Variants in SLC25A31 observed in about 807,000 individuals in gnomAD.
SLC25A31 encodes ADP/ATP translocase 4.
SLC25A31 carries 40 observed loss-of-function variants against 36.2 expected under a neutral mutation model. That is an observed-to-expected ratio of 1.10 (90% CI 0.86 to 1.44). The LOEUF is 1.44. SLC25A31 is among the 40% of genes most tolerant of loss of function. SLC25A31 has a pLI of 0.00. For missense variants in SLC25A31, 350 were observed against 397.1 expected (o/e 0.88, Z 1.01); for synonymous variants, 143 against 149.7 (o/e 0.96, Z 0.32).
At chr4:127,749,875 A>T (rs541069860) in intron 2 of SLC25A31, among the ~76,000 whole-genome samples, 1 of 152,282 alleles carries the variant, frequency 6.6e-6, no homozygotes, top group South Asian at 2.1e-4. Flanking sequence ...ATGTCTAAAA[A>T]TAAATTAACA....
intron 3 of SLC25A31, among the ~76,000 whole-genome samples, chr4:127,765,742 G>C (rs909204488): frequency 2.7e-4 from 41 of 152,310 alleles, no homozygotes; most frequent in African/African-American, 9.4e-4. Context: ...AAAAAAGTTA[G>C]AAGAGAGTGA....
rs34838538 is a variant in SLC25A31 at position 127,734,556 on chromosome 4, CAAAAAAA to C, written c.232+3799_232+3805del. ...TCCTGGGTACAGAGGAAGACTGTCTCAAAAAAAAAAAAAAAAAAAAAAAAAAGATCCG... is the reference window on the plus strand; with the variant it reads ...TCCTGGGTACAGAGGAAGACTGTCTCAAAAAAAAAAAAAAAAAAAGATCCG... On this transcript the variant is annotated intron_variant, in intron 1 of 5. Coordinates refer to ENST00000281154, the MANE Select transcript of SLC25A31 (RefSeq NM_031291.4). Among the ~76,000 whole-genome samples the C allele has an allele frequency of 1.1e-4, 7 of 62,274 alleles. 1 individual carries two copies. Among genetic ancestry groups the C allele is most frequent in the South Asian group, 8.3e-4 (1 of 1,204 alleles). 40.9% of individuals were successfully genotyped at this position (62,274 alleles called of 152,430 possible).
intron 2 of SLC25A31, among the ~76,000 whole-genome samples, chr4:127,760,277 A>G (rs1236363578): frequency 3.3e-5 from 5 of 152,220 alleles, no homozygotes; most frequent in African/African-American, 7.2e-5. Context: ...AAGTTTTTTA[A>G]AAAATGGTAA....
intron 1 of SLC25A31, among the ~76,000 whole-genome samples, chr4:127,743,951 G>T (rs1380013170): frequency 1.3e-5 from 2 of 152,188 alleles, no homozygotes; most frequent in African/African-American, 4.8e-5. Flanking sequence ...TTGTAATCGA[G>T]TGAAAACAAC....
intron 2 of SLC25A31, among the ~76,000 whole-genome samples, chr4:127,745,368 A>G (rs1046696400): frequency 3.3e-5 from 5 of 151,942 alleles, no homozygotes; most frequent in Non-Finnish European, 2.9e-5. Flanking sequence ...AAAATTTCCT[A>G]CTCATATAAA....
intron 1 of SLC25A31, among the ~76,000 whole-genome samples, chr4:127,732,854 G>A (rs1175074722): frequency 6.6e-6 from 1 of 152,132 alleles, no homozygotes; most frequent in Non-Finnish European, 1.5e-5. Context: ...AACTTGTGGG[G>A]CAATTTTTTT....
At chr4:127,749,076 T>TAA (rs539607762) in intron 2 of SLC25A31, among the ~76,000 whole-genome samples, 12 of 137,466 alleles carry the variant, frequency 8.7e-5, no homozygotes, top group Middle Eastern at 3.3e-3. Context: ...TTGAAACCAT[T>TAA]AAAAAAAAAA....
At chr4:127,760,625 C>T (rs962899245) in intron 2 of SLC25A31, among the ~76,000 whole-genome samples, 4 of 152,200 alleles carry the variant, frequency 2.6e-5, no homozygotes, top group African/African-American at 9.6e-5. Context: ...TTGTTTGATG[C>T]ATCATTGAGT....
intron 2 of SLC25A31, among the ~76,000 whole-genome samples, chr4:127,745,515 A>G: frequency 6.6e-6 from 1 of 151,468 alleles, no homozygotes; most frequent in East Asian, 1.9e-4. Context: ...TCTCCCTATT[A>G]CTCCTCATCT....
At chr4:127,758,153 G>C (rs376703405) in intron 2 of SLC25A31, among the ~76,000 whole-genome samples, 2 of 152,046 alleles carry the variant, frequency 1.3e-5, no homozygotes, top group Non-Finnish European at 2.9e-5. Flanking sequence ...CACCACCCCC[G>C]GGTCCTTCCC....
chr4:127,754,269 A>G (rs1392510540), intron 2 of SLC25A31, among the ~76,000 whole-genome samples: 1 of 152,144 alleles, frequency 6.6e-6, no homozygotes, highest in Non-Finnish European at 1.5e-5. Context: ...TATTCAACAA[A>G]GTACTAGAAG....
At chr4:127,765,819 T>C (rs1732230179) in intron 3 of SLC25A31, among the ~76,000 whole-genome samples, 1 of 152,200 alleles carries the variant, frequency 6.6e-6, no homozygotes, top group Admixed American at 6.5e-5. Flanking sequence ...AAAATAAAAA[T>C]GTGAGTTTCA....
chr4:127,751,541 G>A (rs941411622), intron 2 of SLC25A31, among the ~76,000 whole-genome samples: 5 of 152,170 alleles, frequency 3.3e-5, no homozygotes, highest in African/African-American at 1.2e-4. Flanking sequence ...AACACCAAAA[G>A]CAATGGCAAC....
chr4:127,746,666 C>G (rs1403827701), intron 2 of SLC25A31, among the ~76,000 whole-genome samples: 2 of 151,990 alleles, frequency 1.3e-5, no homozygotes, highest in Admixed American at 1.3e-4. Flanking sequence ...CTTGTAGATG[C>G]TAGATAGTAG....
intron 1 of SLC25A31, among the ~76,000 whole-genome samples, chr4:127,741,387 C>T (rs1731729352): frequency 1.3e-5 from 2 of 152,148 alleles, no homozygotes; most frequent in African/African-American, 4.8e-5. Context: ...TGTTGTAGTA[C>T]ATTGCTTCTA....
At chr4:127,766,915 G>A (rs1177948568) in intron 3 of SLC25A31, 151 bp from the exon 4 acceptor site, 1 of 567,432 alleles carries the variant, frequency 1.8e-6, no homozygotes, top group Non-Finnish European at 2.8e-6. Context: ...TTGATTATCT[G>A]TAAAAGAATG....
chr4:127,767,001 A>T (rs1732256254), intron 3 of SLC25A31, 65 bp from the exon 4 acceptor site: 2 of 1,362,334 alleles, frequency 1.5e-6, no homozygotes, highest in Non-Finnish European at 2.0e-6. Flanking sequence ...GTAAAGGTTT[A>T]TTTTGATTAA....
chr4:127,744,681 GT>G lies in SLC25A31; in HGVS notation c.247del (p.Trp83GlyfsTer17). On this transcript the variant is annotated frameshift_variant, in exon 2 of 6. Coordinates refer to ENST00000281154, the MANE Select transcript of SLC25A31 (RefSeq NM_031291.4). LOFTEE classifies it high-confidence loss of function. ...ATGTTTCCCTCTGTAGGTTTCTTCAGTTTTTGGCGTGGCAATTTGGCAAATG... is the reference window on the plus strand; with the variant it reads ...ATGTTTCCCTCTGTAGGTTTCTTCAGTTTTGGCGTGGCAATTTGGCAAATG... ...VRIPREQGFFSFWRGNLANVI... is the reference protein window; with the variant it reads ...VRIPREQGFFXFWRGNLANVI... 4 of 1,596,596 alleles carry G rather than the reference GT, an allele frequency of 2.5e-6. No individual in the cohort carries two copies. The highest frequency in any genetic ancestry group is 1.7e-5 in the Admixed American group (1 of 57,398).
chr4:127,761,970 A>T (rs945103081), intron 2 of SLC25A31, among the ~76,000 whole-genome samples: 3 of 152,230 alleles, frequency 2.0e-5, no homozygotes, highest in African/African-American at 4.8e-5. Context: ...CTCCTGATCT[A>T]ATTATTTCTG....
Sources: gnomAD v4.1 joint callset for allele counts (sites outside exome capture counted in the v4.1 genomes callset) on GRCh38, gnomAD v4.1.1 for gene constraint, MANE v1.5 for transcripts, NCBI Gene and HGNC (gene_info 2026-07-23, HGNC 2026-07-21) for gene names.